Variants in ALDH9A1 observed in about 807,000 individuals in gnomAD.
The protein encoded by ALDH9A1 is aldehyde dehydrogenase 9 family member A1.
In ALDH9A1, 42 loss-of-function variants were observed where a neutral mutation model predicts 56.6. The ratio of observed to expected loss-of-function variants is 0.74; its 90% CI spans 0.58 to 0.96. The LOEUF is 0.96. Among genes scored for constraint, ALDH9A1 ranks in the 40% least tolerant of loss-of-function variants. ALDH9A1 has a pLI of 0.00. For missense variants in ALDH9A1, 661 were observed against 651.5 expected (o/e 1.01, Z -0.16); for synonymous variants, 242 against 236.0 (o/e 1.03, Z -0.23).
intron 2 of ALDH9A1, among the ~76,000 whole-genome samples, chr1:165,685,040 T>G (rs912697393): frequency 6.6e-5 from 10 of 152,196 alleles, no homozygotes; most frequent in African/African-American, 2.4e-4. Flanking sequence ...TCTTCTGATA[T>G]AGTACGTAAG....
At chr1:165,696,006 C>A (rs551565577) in intron 1 of ALDH9A1, among the ~76,000 whole-genome samples, 8 of 152,202 alleles carry the variant, frequency 5.3e-5, no homozygotes, top group African/African-American at 1.9e-4. Flanking sequence ...CGCCTGCCAC[C>A]ACACACAGCT....
intron 6 of ALDH9A1, among the ~76,000 whole-genome samples, chr1:165,671,058 G>T (rs941723244): frequency 1.3e-5 from 2 of 152,208 alleles, no homozygotes. Flanking sequence ...GCGACAGAGC[G>T]AGACTCCGTC....
In ALDH9A1 at chr1:165,688,714, A is replaced by G. The variant is rs371522747; in HGVS notation, c.328-5604T>C. On this transcript the variant is annotated intron_variant, in intron 2 of 10. Transcript: ENST00000354775. ...CAGAGCAAGACCCTGTCAAAAAAGA[A>G]CAAAGAACTGCAGATCTTGATTAAC... Among the ~76,000 whole-genome samples the G allele has an allele frequency of 3.0e-4, 45 of 152,330 alleles. No homozygotes were observed. The East Asian group carries it at 7.3e-3, about 25-fold the overall frequency.
At chr1:165,693,434 C>T (rs1265123121) in intron 2 of ALDH9A1, among the ~76,000 whole-genome samples, 1 of 152,182 alleles carries the variant, frequency 6.6e-6, no homozygotes, top group Admixed American at 6.5e-5. Context: ...CAAAAAAAGA[C>T]ATTTATGCAG....
At chr1:165,684,289 C>T (rs1188732184) in intron 2 of ALDH9A1, among the ~76,000 whole-genome samples, 3 of 152,170 alleles carry the variant, frequency 2.0e-5, no homozygotes, top group Admixed American at 2.0e-4. Context: ...GGCAAGTCAG[C>T]ACATTTTAAA....
Position 165,664,952 on chromosome 1 carries a change from T to A in ALDH9A1, c.1462+66A>T. The A allele has an allele frequency of 5.5e-6, 7 of 1,262,524 alleles. No individual in the cohort carries two copies. In the South Asian group the frequency reaches 8.4e-5, roughly 15 times the overall value. 78.2% of individuals were successfully genotyped at this position (1,262,524 alleles called of 1,614,324 possible). A position where few individuals can be genotyped will look rare whatever the true frequency, so the allele number is the denominator to read the frequency against. ...GCAGACAGGTTTAGGAATACTGGTT[T>A]ATAAGGTCTGAATTACGACCTAGCT... On this transcript the variant is annotated intron_variant, in intron 10 of 10. Coordinates refer to ENST00000354775, the MANE Select transcript of ALDH9A1 (RefSeq NM_000696.4).
rs750748310 is a variant in ALDH9A1 at position 165,698,412 on chromosome 1, G to A, written c.147C>T (p.Ala49=). ...GCTCGAAAGCTTTCTCGGTACCGGA[G>A]GCGTCCGCCGGCTCCACGCGGGCCC... ...RGGARVEPAD[A]SGTEKAFEPA... is the part of the protein sequence containing the mutation. Residue 49 remains alanine, a synonymous_variant, in exon 1 of 11, where the codon GCC becomes GCT. Transcript: ENST00000354775. 1.9e-6 allele frequency: 3 copies of A among 1,605,682 alleles called. No individual in the cohort carries two copies. In the Admixed American group the frequency reaches 5.1e-5, roughly 27 times the overall value.
intron 2 of ALDH9A1, among the ~76,000 whole-genome samples, chr1:165,684,809 C>T (rs1442804940): frequency 1.3e-5 from 2 of 152,172 alleles, no homozygotes; most frequent in Admixed American, 6.5e-5. Context: ...TCTATCGCTG[C>T]TAAGCCCTGG....
chr1:165,662,926 TTC>T lies in ALDH9A1; in HGVS notation c.*122_*123del. 1.3e-6 allele frequency: 1 copy of T among 778,746 alleles called. No individual in the cohort carries two copies. The highest frequency in any genetic ancestry group is 1.6e-5 in the South Asian group (1 of 62,528). The allele number at this position is 778,746 out of a possible 1,614,324, so 48.2% of individuals were successfully genotyped here. The stretch of plus-strand genomic sequence containing the variant: ...GAGAGAGAAAGAGTAACATGAACCA[TTC>T]TCTTATACTGAACGCCAAAATTCTG... On this transcript the variant is annotated 3_prime_UTR_variant, in exon 11 of 11. Coordinates refer to ENST00000354775, the MANE Select transcript of ALDH9A1 (RefSeq NM_000696.4).
chr1:165,690,513 G>C (rs150385108), intron 2 of ALDH9A1, among the ~76,000 whole-genome samples: 1 of 152,096 alleles, frequency 6.6e-6, no homozygotes, highest in Non-Finnish European at 1.5e-5. Flanking sequence ...TGCAGAAGAC[G>C]GTGATTTCTG....
In ALDH9A1 at chr1:165,682,970, T is replaced by C; in HGVS notation, c.457+11A>G. On this transcript the variant is annotated intron_variant, in intron 3 of 10. Coordinates refer to ENST00000354775, the MANE Select transcript of ALDH9A1 (RefSeq NM_000696.4). Reference sequence around the variant, plus strand: ...TTATCAGCTGGTCACAGACACCAGGTGAGGACTTACCAGCCATGGATGCAG... The same window carrying C: ...TTATCAGCTGGTCACAGACACCAGGCGAGGACTTACCAGCCATGGATGCAG... 1 of 1,613,222 alleles carries C rather than the reference T, an allele frequency of 6.2e-7. No homozygotes were observed. Among genetic ancestry groups the C allele is most frequent in the Non-Finnish European group, 8.5e-7 (1 of 1,179,514 alleles).
intron 2 of ALDH9A1, among the ~76,000 whole-genome samples, chr1:165,691,491 C>T (rs1019716127): frequency 1.3e-5 from 2 of 152,184 alleles, no homozygotes; most frequent in Admixed American, 6.5e-5. Flanking sequence ...TCCAAAGGAT[C>T]GCAGCTCCTC....
At chr1:165,684,474 C>T (rs568723360) in intron 2 of ALDH9A1, among the ~76,000 whole-genome samples, 2 of 152,200 alleles carry the variant, frequency 1.3e-5, no homozygotes, top group East Asian at 3.9e-4. Flanking sequence ...TATGCTGACC[C>T]TAGAAAGAGG....
Position 165,698,473 on chromosome 1 carries a change from G to A in ALDH9A1, c.86C>T (p.Thr29Ile), listed in dbSNP as rs770796531. The A allele has an allele frequency of 6.2e-7, 1 of 1,608,594 alleles. No individual in the cohort carries two copies. Among genetic ancestry groups the A allele is most frequent in the African/African-American group, 1.3e-5 (1 of 74,198 alleles). ...ATTGAGCGGCTGCGACACGACGAAGGTGCCAGTGCTCATGGCGGCGACAGG... is the reference window on the plus strand; with the variant it reads ...ATTGAGCGGCTGCGACACGACGAAGATGCCAGTGCTCATGGCGGCGACAGG... ...PSPVAAMSTG[T>I]FVVSQPLNYR... The change falls in exon 1 of 11, where the codon ACC becomes ATC. Residue 29 changes from threonine to isoleucine, a missense_variant. Transcript: ENST00000354775.
At chr1:165,682,328 A>G (rs1292775776) in intron 3 of ALDH9A1, 87 bp from the exon 4 acceptor site, 1 of 1,411,810 alleles carries the variant, frequency 7.1e-7, no homozygotes, top group African/African-American at 1.4e-5. Context: ...CTTGTACTCC[A>G]GTCAACGCAG....
Position 165,695,344 on chromosome 1 carries a change from C to A in ALDH9A1, c.235G>T (p.Val79Phe). 1 of 1,613,618 alleles carries A rather than the reference C, an allele frequency of 6.2e-7. No individual in the cohort carries two copies. The change falls in exon 2 of 11, where the codon GTT (valine) becomes TTT (phenylalanine). Residue 79 changes from valine (V) to phenylalanine (F), a missense_variant. Physicochemically the swap from Val to Phe is conservative, Grantham distance 50 (BLOSUM62 -1). Coordinates refer to ENST00000354775, the MANE Select transcript of ALDH9A1 (RefSeq NM_000696.4). ...CSGEKEVNLA[V>F]QNAKAAFKIW... The stretch of plus-strand genomic sequence containing the variant: ...TTAAAAGCAGCCTTTGCATTTTGAA[C>A]AGCCAAATTTACTTCCTTTTCTCCT...
intron 2 of ALDH9A1, among the ~76,000 whole-genome samples, chr1:165,685,542 A>T (rs1371137213): frequency 7.9e-5 from 12 of 152,234 alleles, no homozygotes. Flanking sequence ...AATGCTAAAC[A>T]TGTAAGCACA....
chr1:165,697,767 G>A (rs1650137404), intron 1 of ALDH9A1, among the ~76,000 whole-genome samples: 1 of 152,150 alleles, frequency 6.6e-6, no homozygotes, highest in Admixed American at 6.5e-5. Context: ...GGTGGCTCAC[G>A]GCTGTAATCC....
intron 1 of ALDH9A1, 200 bp downstream of exon 1, chr1:165,698,178 T>C: frequency 7.5e-7 from 1 of 1,335,972 alleles, no homozygotes; most frequent in Non-Finnish European, 9.5e-7. Context: ...CAGCTTTGCT[T>C]TTCCTCCCTA....
Sources: allele counts gnomAD v4.1 joint callset (sites outside exome capture counted in the v4.1 genomes callset), GRCh38; gene constraint gnomAD v4.1.1; transcripts MANE v1.5; gene names NCBI Gene and HGNC (gene_info 2026-07-23, HGNC 2026-07-21).